ABCG4: variants seen among roughly 807,000 people sequenced by gnomAD.
ABCG4 encodes the protein ATP-binding cassette sub-family G member 4.
Under a neutral mutation model 64.6 loss-of-function variants are expected in ABCG4, and 35 were observed. That is an observed-to-expected ratio of 0.54 (90% confidence interval 0.41 to 0.72). The LOEUF is 0.72. Among genes scored for constraint, ABCG4 ranks in the 30% least tolerant of loss-of-function variants. ABCG4 has a pLI of 0.00. For missense variants in ABCG4, 610 were observed against 846.3 expected (o/e 0.72, Z 3.46); for synonymous variants, 326 against 348.2 (o/e 0.94, Z 0.71).
intron 2 of ABCG4, among the ~76,000 whole-genome samples, chr11:119,151,187 G>T (rs1488536684): frequency 2.0e-5 from 3 of 152,234 alleles, no homozygotes; most frequent in African/African-American, 7.2e-5. Context: ...CCAGCTCTGG[G>T]CAAAATCATG....
chr11:119,160,924 C>T lies in ABCG4; in HGVS notation c.1759C>T (p.Arg587Ter), dbSNP rs760323610. Residue 587 changes from arginine (R) to a stop codon, truncating the protein, a stop_gained, in exon 15 of 15, where the codon CGA (arginine) becomes TGA (stop). Transcript: ENST00000619701. LOFTEE classifies it high-confidence loss of function. The surrounding 1 kb of genome is among the most constrained non-coding windows in gnomAD (Gnocchi z 4.6). ...GATCCTGACGATCTATGGCATGGAG[C>T]GAGGAGACCTGACATGTTTAGAGGA... ...GVILTIYGME[R>*]GDLTCLEERC... 14 of 1,613,936 alleles carry T rather than the reference C, an allele frequency of 8.7e-6. No homozygotes were observed. The highest frequency in any genetic ancestry group is 2.2e-5 in the South Asian group (2 of 91,086).
chr11:119,153,885 A>G (rs1948226081), intron 2 of ABCG4, 141 bp from the exon 3 acceptor site: 2 of 719,424 alleles, frequency 2.8e-6, no homozygotes, highest in South Asian at 1.6e-5. Flanking sequence ...CCGGGGCTAT[A>G]AGGGTTGTTC....
intron 12 of ABCG4, among the ~76,000 whole-genome samples, chr11:119,159,599 T>C (rs1184953050): frequency 3.3e-5 from 5 of 152,232 alleles, no homozygotes; most frequent in Admixed American, 2.0e-4. Context: ...GAATAGTGCT[T>C]GGCACATACG....
At position 119,158,823 on chromosome 11, in the gene ABCG4, C is replaced by T. The variant is rs753933986; in HGVS notation, c.1337-6C>T. On this transcript the variant is annotated splice_polypyrimidine_tract_variant and splice_region_variant and intron_variant, in intron 11 of 14. Coordinates refer to ENST00000619701, the MANE Select transcript of ABCG4 (RefSeq NM_022169.5). The surrounding 1 kb of genome is among the most constrained non-coding windows in gnomAD (Gnocchi z 4.5). ...CCGGGTGTGCCTAAGCAGCCTGTGT[C>T]CTCAGTCCCCTTAGAGATGGCGGTC... The T allele has an allele frequency of 6.2e-7, 1 of 1,614,136 alleles. No homozygotes were observed. Among genetic ancestry groups the T allele is most frequent in the South Asian group, 1.1e-5 (1 of 91,090 alleles).
At position 119,156,306 on chromosome 11, in the gene ABCG4, C is replaced by T; in HGVS notation, c.687-23C>T. On this transcript the variant is annotated intron_variant, in intron 6 of 14. Coordinates refer to ENST00000619701, the MANE Select transcript of ABCG4 (RefSeq NM_022169.5). This position sits in a 1 kb window ranked among gnomAD's most constrained non-coding sequence, Gnocchi z 5.5. ...TGGCCTCACCCACCTCACGTGGCCC[C>T]CTGGTGGCCTCTCTCTGGACAGTGG... 1.2e-6 allele frequency: 2 copies of T among 1,614,112 alleles called. No homozygotes were observed. Among genetic ancestry groups the T allele is most frequent in the South Asian group, 1.1e-5 (1 of 91,080 alleles).
Position 119,161,748 on chromosome 11 carries a change from G to A in ABCG4, c.*642G>A, listed in dbSNP as rs148538522. ...ATCCTGGGGATTGGAGAGGCCTGGG[G>A]CTGTGGGATGCCCCATCCCCCTCCC... On this transcript the variant is annotated 3_prime_UTR_variant, in exon 15 of 15. Transcript: ENST00000619701. The A allele has an allele frequency of 1.3e-5, 2 of 153,042 alleles. No homozygotes were observed. Among genetic ancestry groups the A allele is most frequent in the Non-Finnish European group, 2.9e-5 (2 of 68,280 alleles). The allele number at this position is 153,042 out of a possible 1,614,324, so 9.5% of individuals were successfully genotyped here. A position where few individuals can be genotyped will look rare whatever the true frequency, so the allele number is the denominator to read the frequency against.
Position 119,154,012 on chromosome 11 carries a change from C to A in ABCG4, c.239-14C>A. On this transcript the variant is annotated splice_polypyrimidine_tract_variant and intron_variant, in intron 2 of 14. Transcript: ENST00000619701. The surrounding 1 kb of genome is among the most constrained non-coding windows in gnomAD (Gnocchi z 7.0). ...CTGCAGCCTGACTAAAAATTCCTCC[C>A]CACCTCACTGCAGGTTATAAGACCC... 3 of 1,611,928 alleles carry A rather than the reference C, an allele frequency of 1.9e-6. No individual in the cohort carries two copies. In the South Asian group the frequency reaches 3.3e-5, roughly 18 times the overall value.
rs1489867323 is a variant in ABCG4, at chr11:119,155,665, G to C, written c.687-664G>C. ...ACAAGTCTGCAGTGCTCACTCCCCT[G>C]CTTAAAACATGCAGTGTTTCCTTTC... On this transcript the variant is annotated intron_variant, in intron 6 of 14. Coordinates refer to ENST00000619701, the MANE Select transcript of ABCG4 (RefSeq NM_022169.5). The surrounding 1 kb of genome is among the most constrained non-coding windows in gnomAD (Gnocchi z 4.5). 1 of 153,324 alleles carries C rather than the reference G, an allele frequency of 6.5e-6. No homozygotes were observed. The highest frequency in any genetic ancestry group is 1.5e-5 in the Non-Finnish European group (1 of 68,930). 9.5% of individuals were successfully genotyped at this position (153,324 alleles called of 1,614,324 possible).
Position 119,158,673 on chromosome 11 carries a change from C to T in ABCG4, c.1284C>T (p.Phe428=), listed in dbSNP as rs771715518. The T allele has an allele frequency of 6.2e-7, 1 of 1,614,166 alleles. No homozygotes were observed. The highest frequency in any genetic ancestry group is 1.7e-5 in the Admixed American group (1 of 60,028). ...TCTTCAACAACACCGGCTGCCTCTTCTTCTCCATGCTGTTCCTCATGTTCG... is the reference window on the plus strand; with the variant it reads ...TCTTCAACAACACCGGCTGCCTCTTTTTCTCCATGCTGTTCCTCATGTTCG... The part of the protein sequence containing the change: ...SKVFNNTGCL[F]FSMLFLMFAA... The change falls in exon 11 of 15, where the codon TTC becomes TTT. Residue 428 remains phenylalanine (F), a synonymous_variant. Transcript: ENST00000619701. This position sits in a 1 kb window ranked among gnomAD's most constrained non-coding sequence, Gnocchi z 4.5.
In ABCG4 at chr11:119,162,156, C is replaced by G. The variant is rs1948363469; in HGVS notation, c.*1050C>G. ...GTGCTGCCCAGGGTGTCTACAGGAA[C>G]TGCAGGTGTCTACCCCCAAGTCTTC... On this transcript the variant is annotated 3_prime_UTR_variant, in exon 15 of 15. Transcript: ENST00000619701. 1.3e-5 allele frequency: 2 copies of G among 152,902 alleles called. No individual in the cohort carries two copies. Among genetic ancestry groups the G allele is most frequent in the Admixed American group, 1.3e-4 (2 of 15,278 alleles). The allele number at this position is 152,902 out of a possible 1,614,324, so 9.5% of individuals were successfully genotyped here. A position where few individuals can be genotyped will look rare whatever the true frequency, so the allele number is the denominator to read the frequency against.
Position 119,156,416 on chromosome 11 carries a change from C to A in ABCG4, c.774C>A (p.His258Gln), listed in dbSNP as rs1479925491. 1 of 1,614,198 alleles carries A rather than the reference C, an allele frequency of 6.2e-7. No homozygotes were observed. Among genetic ancestry groups the A allele is most frequent in the Non-Finnish European group, 8.5e-7 (1 of 1,180,022 alleles). ...QGGRTIICTI[H>Q]QPSAKLFEMF... ...GCCGTACCATCATCTGCACCATCCACCAGCCCAGTGCCAAGCTCTTTGAGA... is the reference window on the plus strand; with the variant it reads ...GCCGTACCATCATCTGCACCATCCAACAGCCCAGTGCCAAGCTCTTTGAGA... Residue 258 changes from histidine to glutamine, a missense_variant, in exon 7 of 15, where the codon CAC (histidine) becomes CAA (glutamine). By Grantham distance (24) the His-to-Gln change is conservative. Transcript: ENST00000619701. The surrounding 1 kb of genome is among the most constrained non-coding windows in gnomAD (Gnocchi z 5.5).
chr11:119,156,073 A>G lies in ABCG4; in HGVS notation c.687-256A>G. The G allele has an allele frequency of 2.1e-6, 1 of 486,434 alleles. No homozygotes were observed. Among genetic ancestry groups the G allele is most frequent in the Non-Finnish European group, 3.7e-6 (1 of 267,166 alleles). The allele number at this position is 486,434 out of a possible 1,614,324, so 30.1% of individuals were successfully genotyped here. On this transcript the variant is annotated intron_variant, in intron 6 of 14. Transcript: ENST00000619701. The surrounding 1 kb of genome is among the most constrained non-coding windows in gnomAD (Gnocchi z 5.5). ...TCTCTCTCCTTCCAGACCAGAGTCT[A>G]TGTCTTATTTATGCATCATTGTAAT...
Position 119,150,184 on chromosome 11 carries a change from G to A in ABCG4, c.219G>A (p.Gly73=). 1.2e-6 allele frequency: 2 copies of A among 1,613,856 alleles called. No homozygotes were observed. The highest frequency in any genetic ancestry group is 1.7e-6 in the Non-Finnish European group (2 of 1,179,810). ...FVELSYSVRE[G]PCWRKRGYKT... is the part of the protein sequence containing the mutation. ...AGCTGTCCTATTCCGTGCGGGAGGG[G>A]CCCTGCTGGCGCAAAAGGGGTAGGG... The change falls in exon 2 of 15, where the codon GGG becomes GGA. Residue 73 remains glycine, a synonymous_variant. Transcript: ENST00000619701. The surrounding 1 kb of genome is among the most constrained non-coding windows in gnomAD (Gnocchi z 4.3).
In ABCG4 at chr11:119,161,199, G is replaced by C; in HGVS notation, c.*93G>C. 2 of 1,202,062 alleles carry C rather than the reference G, an allele frequency of 1.7e-6. No individual in the cohort carries two copies. The highest frequency in any genetic ancestry group is 2.3e-6 in the Non-Finnish European group (2 of 870,384). 74.5% of individuals were successfully genotyped at this position (1,202,062 alleles called of 1,614,324 possible). ...TTTTAACCTTATAGACTTGGGCACT[G>C]GTTCCTGGCGGGGCTATCCTCTCCT... On this transcript the variant is annotated 3_prime_UTR_variant, in exon 15 of 15. Transcript: ENST00000619701.
intron 9 of ABCG4, among the ~76,000 whole-genome samples, chr11:119,157,479 T>C (rs968583930): frequency 6.6e-6 from 1 of 152,244 alleles, no homozygotes; most frequent in East Asian, 1.9e-4. Flanking sequence ...CTTCCTTAAA[T>C]GAGACACTGT....
intron 12 of ABCG4, among the ~76,000 whole-genome samples, chr11:119,159,987 C>T (rs867431625): frequency 7.3e-5 from 11 of 151,696 alleles, no homozygotes; most frequent in African/African-American, 1.7e-4. Context: ...GAAGAGTCAC[C>T]GTGCCTGAAG....
rs765037453 is a variant in ABCG4 at position 119,160,517 on chromosome 11, G to C, written c.1597-21G>C. The C allele has an allele frequency of 4.4e-6, 7 of 1,577,508 alleles. No homozygotes were observed. The highest frequency in any genetic ancestry group is 6.1e-6 in the Non-Finnish European group (7 of 1,150,930). On this transcript the variant is annotated intron_variant, in intron 13 of 14. Coordinates refer to ENST00000619701, the MANE Select transcript of ABCG4 (RefSeq NM_022169.5). The surrounding 1 kb of genome is among the most constrained non-coding windows in gnomAD (Gnocchi z 4.6). Reference sequence around the variant, plus strand: ...TCCTGGTCACCCCTATGATGGCCTGGCCCCCTCCCTTCCCCTCTAGGTGGC... The same window carrying C: ...TCCTGGTCACCCCTATGATGGCCTGCCCCCCTCCCTTCCCCTCTAGGTGGC...
At chr11:119,159,496 T>C (rs1001491241) in intron 12 of ABCG4, among the ~76,000 whole-genome samples, 11 of 152,220 alleles carry the variant, frequency 7.2e-5, no homozygotes, top group Admixed American at 3.3e-4. Context: ...ATCACTCTCT[T>C]TGCTAAAGTG....
chr11:119,159,386 A>G (rs140818285), intron 12 of ABCG4, among the ~76,000 whole-genome samples: 76,138 of 151,874 alleles, frequency 0.5, 20,404 homozygotes, highest in East Asian at 0.71. Context: ...ACTGGGGGCA[A>G]TAACCCTACA....
Sources: gnomAD v4.1 joint callset for allele counts (sites outside exome capture counted in the v4.1 genomes callset) on GRCh38, gnomAD v4.1.1 for gene constraint, Gnocchi (gnomAD v3.1) non-coding constraint, MANE v1.5 for transcripts, NCBI Gene and HGNC (gene_info 2026-07-23, HGNC 2026-07-21) for gene names.